The following ISG20L2 variants were observed in gnomAD, a reference collection of about 807,000 sequenced individuals.
ISG20L2 encodes interferon stimulated exonuclease gene 20 like 2.
In ISG20L2, 14 loss-of-function variants were observed where a neutral mutation model predicts 27.8. The ratio of observed to expected loss-of-function variants is 0.50; its 90% confidence interval spans 0.33 to 0.79. The LOEUF (loss-of-function observed/expected upper bound fraction) is 0.79. Among genes scored for constraint, ISG20L2 ranks in the 30% least tolerant of loss-of-function variants. ISG20L2 has a pLI of 0.02. For missense variants in ISG20L2, 393 were observed against 435.1 expected, an observed-to-expected ratio of 0.90 and a Z score of 0.86; for synonymous variants, 157 against 165.7, an observed-to-expected ratio of 0.95 and a Z score of 0.40.
chr1:156,724,358 G>A lies in ISG20L2; in HGVS notation c.748-10C>T, dbSNP rs778967770. ...TGAGTATCTTCAAGATCTGGAAGAA[G>A]TGTGGGAAGAGAGTGGTGAGAAGGA... On this transcript the variant is annotated splice_polypyrimidine_tract_variant and intron_variant, in intron 2 of 3. Transcript: ENST00000368219. 1 of 1,601,232 alleles carries A rather than the reference G, an allele frequency of 6.2e-7. No homozygotes were observed. Among genetic ancestry groups the A allele is most frequent in the Non-Finnish European group, 8.5e-7 (1 of 1,170,234 alleles).
intron 3 of ISG20L2, 98 bp from the exon 4 acceptor site, chr1:156,723,560 A>G: frequency 6.5e-7 from 1 of 1,546,500 alleles, no homozygotes; most frequent in Non-Finnish European, 8.7e-7. Flanking sequence ...CCTCCGCTAC[A>G]CAGTTTCTTC....
In ISG20L2 at chr1:156,723,305, G is replaced by A; in HGVS notation, c.*44C>T. 2 of 1,612,038 alleles carry A rather than the reference G, an allele frequency of 1.2e-6. No individual in the cohort carries two copies. The highest frequency in any genetic ancestry group is 1.7e-6 in the Non-Finnish European group (2 of 1,178,956). On this transcript the variant is annotated 3_prime_UTR_variant, in exon 4 of 4. Transcript: ENST00000368219. The stretch of plus-strand genomic sequence containing the variant: ...TTGGTCCACTGCCCTGTTTCTCCTG[G>A]GTGCTGCCTCTGCCTCCTCATATCA...
In ISG20L2 at chr1:156,722,455, A is replaced by G. The variant is rs902557816; in HGVS notation, c.*894T>C. ...CTAATTTTTTGTATTTTTAGTAGAG[A>G]CGGGGTTTCACCGTGTTAGCCAGGA... On this transcript the variant is annotated 3_prime_UTR_variant, in exon 4 of 4. Coordinates refer to ENST00000368219, the MANE Select transcript of ISG20L2 (RefSeq NM_001370150.2). 6.6e-6 allele frequency: 1 copy of G among 151,624 alleles called. No individual in the cohort carries two copies. The highest frequency in any genetic ancestry group is 2.4e-5 in the African/African-American group (1 of 41,196). 9.4% of individuals were successfully genotyped at this position (151,624 alleles called of 1,614,324 possible).
At chr1:156,723,583 C>T (rs1046466651) in intron 3 of ISG20L2, 121 bp from the exon 4 acceptor site, 1 of 1,490,518 alleles carries the variant, frequency 6.7e-7, no homozygotes, top group Non-Finnish European at 8.9e-7. Context: ...CAGTCAGCAG[C>T]CTACAAAGAC....
At position 156,723,264 on chromosome 1, in the gene ISG20L2, C is replaced by G; in HGVS notation, c.*85G>C. 1 of 1,498,468 alleles carries G rather than the reference C, an allele frequency of 6.7e-7. No homozygotes were observed. The highest frequency in any genetic ancestry group is 9.2e-7 in the Non-Finnish European group (1 of 1,087,846). The allele number at this position is 1,498,468 out of a possible 1,614,324, so 92.8% of individuals were successfully genotyped here. On this transcript the variant is annotated 3_prime_UTR_variant, in exon 4 of 4. Coordinates refer to ENST00000368219, the MANE Select transcript of ISG20L2 (RefSeq NM_001370150.2). ...AAATCTAGCTTCCAAAGATGTGGAG[C>G]TGGTGGAGCTGTCCATTGGTCCACT...
chr1:156,723,191 G>T lies in ISG20L2; in HGVS notation c.*158C>A. ...CCAGACACAGGACACAACACCTGAG[G>T]TGAAATTTCAATGGGTATTAAGTCT... On this transcript the variant is annotated 3_prime_UTR_variant, in exon 4 of 4. Coordinates refer to ENST00000368219, the MANE Select transcript of ISG20L2 (RefSeq NM_001370150.2). The T allele has an allele frequency of 1.1e-6, 1 of 882,232 alleles. No individual in the cohort carries two copies. 54.7% of individuals were successfully genotyped at this position (882,232 alleles called of 1,614,324 possible). A position where few individuals can be genotyped will look rare whatever the true frequency, so the allele number is the denominator to read the frequency against.
chr1:156,725,786 C>T, intron 2 of ISG20L2: 2 of 862,996 alleles, frequency 2.3e-6, no homozygotes, highest in Non-Finnish European at 2.8e-6. Context: ...TATGCCTTTG[C>T]TTGGCTGCGC....
intron 2 of ISG20L2, chr1:156,726,267 CCT>C (rs1321120966): frequency 1.0e-6 from 1 of 985,408 alleles, no homozygotes; most frequent in Non-Finnish European, 1.2e-6. Context: ...CTCCACCTTT[CCT>C]CTCTCAAGCT....
intron 2 of ISG20L2, chr1:156,724,819 C>T (rs115412729): frequency 1.1e-4 from 37 of 338,438 alleles, no homozygotes; most frequent in Non-Finnish European, 1.5e-4. Context: ...GAATCTGTGG[C>T]TTTCATCAAA....
At chr1:156,725,806 C>T (rs528965799) in intron 2 of ISG20L2, 23 of 946,958 alleles carry the variant, frequency 2.4e-5, no homozygotes, top group South Asian at 9.8e-5. Flanking sequence ...CCCCTTTGTG[C>T]ACAAGATGTT....
Position 156,723,717 on chromosome 1 carries a change from G to T in ISG20L2, c.949-255C>A, listed in dbSNP as rs964059261. The T allele has an allele frequency of 3.0e-6, 3 of 985,402 alleles. No individual in the cohort carries two copies. The African/African-American group carries it at 5.2e-5, about 17-fold the overall frequency. The allele number at this position is 985,402 out of a possible 1,614,324, so 61.0% of individuals were successfully genotyped here. ...TATAAGCCATATTAGGTTCTGTAGA[G>T]ATAGAACATACCAGGTCAAAGACAG... is the stretch of plus-strand genomic sequence containing the variant. On this transcript the variant is annotated intron_variant, in intron 3 of 3. Coordinates refer to ENST00000368219, the MANE Select transcript of ISG20L2 (RefSeq NM_001370150.2).
chr1:156,723,403 C>T lies in ISG20L2; in HGVS notation c.1008G>A (p.Lys336=), dbSNP rs542051233. The change falls in exon 4 of 4, where the codon AAG becomes AAA. Residue 336 remains lysine (K), a synonymous_variant. Transcript: ENST00000368219. ...EDAQATMELY[K]LVEVEWEEHL... ...GCTCTTCCCACTCGACTTCAACCAA[C>T]TTATATAGCTCCATGGTGGCCTGGG... 8 of 1,614,208 alleles carry T rather than the reference C, an allele frequency of 5.0e-6. No individual in the cohort carries two copies. The highest frequency in any genetic ancestry group is 4.5e-5 in the East Asian group (2 of 44,886).
chr1:156,724,398 C>A (rs58891771), intron 2 of ISG20L2, 50 bp from the exon 3 acceptor site: 2 of 1,512,224 alleles, frequency 1.3e-6, no homozygotes, highest in Admixed American at 3.8e-5. Context: ...TGAAGTGGAA[C>A]CCCTGCATTC....
chr1:156,728,728 G>A lies in ISG20L2; in HGVS notation c.-431C>T, dbSNP rs1006761711. The stretch of plus-strand genomic sequence containing the variant: ...GATAAACCGGAACTGCAGCCCGCCG[G>A]ACACCTCCGGCTTCACTTCCGTAAG... On this transcript the variant is annotated 5_prime_UTR_variant, in exon 1 of 4. Coordinates refer to ENST00000368219, the MANE Select transcript of ISG20L2 (RefSeq NM_001370150.2). 4 of 1,001,002 alleles carry A rather than the reference G, an allele frequency of 4.0e-6. No homozygotes were observed. Among genetic ancestry groups the A allele is most frequent in the Non-Finnish European group, 4.8e-6 (4 of 839,604 alleles). 62.0% of individuals were successfully genotyped at this position (1,001,002 alleles called of 1,614,324 possible). A position where few individuals can be genotyped will look rare whatever the true frequency, so the allele number is the denominator to read the frequency against.
Position 156,726,913 on chromosome 1 carries a change from C to T in ISG20L2, c.740G>A (p.Arg247Gln), listed in dbSNP as rs747029612. The change falls in exon 2 of 4, where the codon CGA becomes CAA. Residue 247 changes from arginine to glutamine, a missense_variant. Arg to Gln is a conservative substitution (Grantham distance 43, BLOSUM62 1). Around this residue, in one of 3 missense-constraint regions of ISG20L2, gnomAD observed 171 missense variants for 195.3 expected, o/e 0.88. Transcript: ENST00000368219. The stretch of plus-strand genomic sequence containing the variant: ...AAGCCCCATGCTTCTTACCTGGCCT[C>T]GAGCAATCTTGAAGGGTGTGGCATT... ...MVNATPFKIA[R>Q]GQILKILTGK... 8.1e-6 allele frequency: 13 copies of T among 1,611,310 alleles called. No homozygotes were observed. In the African/African-American group the frequency reaches 9.3e-5, roughly 12 times the overall value.
In ISG20L2 at chr1:156,723,065, A is replaced by T. The variant is rs1270426369; in HGVS notation, c.*284T>A. On this transcript the variant is annotated 3_prime_UTR_variant, in exon 4 of 4. Transcript: ENST00000368219. Reference sequence around the variant, plus strand: ...TTGAAAGTTAAAAATCTTAACTGGCACAGAGCACCCTGGGACACCTGTGGT... The same window carrying T: ...TTGAAAGTTAAAAATCTTAACTGGCTCAGAGCACCCTGGGACACCTGTGGT... The T allele has an allele frequency of 5.7e-6, 2 of 349,306 alleles. No homozygotes were observed. Among genetic ancestry groups the T allele is most frequent in the East Asian group, 9.7e-5 (2 of 20,638 alleles). The allele number at this position is 349,306 out of a possible 1,614,324, so 21.6% of individuals were successfully genotyped here.
rs528728283 is a variant in ISG20L2 at position 156,727,786 on chromosome 1, T to A, written c.-117-17A>T. On this transcript the variant is annotated splice_polypyrimidine_tract_variant and intron_variant, in intron 1 of 3. Transcript: ENST00000368219. The stretch of plus-strand genomic sequence containing the variant: ...TAGTACACCCTGGGGAAGAAAGTGA[T>A]CCTGGTAATTGAGCTCCTAGGCCTG... 4.7e-6 allele frequency: 7 copies of A among 1,484,838 alleles called. No homozygotes were observed. In the East Asian group the frequency reaches 1.6e-4, roughly 34 times the overall value. 92.0% of individuals were successfully genotyped at this position (1,484,838 alleles called of 1,614,324 possible).
chr1:156,723,234 T>C lies in ISG20L2; in HGVS notation c.*115A>G. ...TTAAGTCTGGGGTAGAGCTTCTCTCTCCCCAAATCTAGCTTCCAAAGATGT... is the reference window on the plus strand; with the variant it reads ...TTAAGTCTGGGGTAGAGCTTCTCTCCCCCCAAATCTAGCTTCCAAAGATGT... On this transcript the variant is annotated 3_prime_UTR_variant, in exon 4 of 4. Coordinates refer to ENST00000368219, the MANE Select transcript of ISG20L2 (RefSeq NM_001370150.2). 4 of 1,298,940 alleles carry C rather than the reference T, an allele frequency of 3.1e-6. No individual in the cohort carries two copies. Among genetic ancestry groups the C allele is most frequent in the South Asian group, 1.3e-5 (1 of 76,924 alleles). The allele number at this position is 1,298,940 out of a possible 1,614,324, so 80.5% of individuals were successfully genotyped here.
At position 156,728,448 on chromosome 1, in the gene ISG20L2, C is replaced by T. The variant is rs1360157114; in HGVS notation, c.-151G>A. ...CGGGTCCAGCTAAGACCGGAAGCGT[C>T]CGGAGCCGGATGCGGAAATCGGTGC... On this transcript the variant is annotated 5_prime_UTR_variant, in exon 1 of 4. Coordinates refer to ENST00000368219, the MANE Select transcript of ISG20L2 (RefSeq NM_001370150.2). 2.0e-6 allele frequency: 2 copies of T among 985,656 alleles called. No individual in the cohort carries two copies. Among genetic ancestry groups the T allele is most frequent in the African/African-American group, 1.7e-5 (1 of 57,242 alleles). 61.1% of individuals were successfully genotyped at this position (985,656 alleles called of 1,614,324 possible).
Sources: gnomAD v4.1 joint callset for allele counts on GRCh38, gnomAD v4.1.1 for gene constraint, gnomAD v4.1.1 regional missense constraint, MANE v1.5 for transcripts, NCBI Gene and HGNC (gene_info 2026-07-23, HGNC 2026-07-21) for gene names.